CHEK2: variants seen among roughly 807,000 people sequenced by gnomAD.
The protein encoded by CHEK2 is serine/threonine-protein kinase Chk2.
A neutral mutation model predicts 69.1 loss-of-function variants in CHEK2; 71 were observed. The ratio of observed to expected loss-of-function variants is 1.03; its 90% CI spans 0.85 to 1.25. The LOEUF is 1.25. Ranked by LOEUF, CHEK2 falls within the 50% of genes most tolerant of loss-of-function variation. The pLI is 0.00. For synonymous variants in CHEK2, 189 were observed against 226.9 expected (o/e 0.83, Z 1.50); for missense variants, 664 against 649.6 (o/e 1.02, Z -0.24).
At chr22:28,696,486 GTC>G (rs1293917970) in intron 10 of CHEK2, among the ~76,000 whole-genome samples, 5 of 152,208 alleles carry the variant, frequency 3.3e-5, no homozygotes, top group African/African-American at 1.2e-4. Context: ...TGATTCTCGT[GTC>G]TCAGCCTCCC....
At chr22:28,698,817 C>T (rs1006468396) in intron 9 of CHEK2, among the ~76,000 whole-genome samples, 2 of 152,106 alleles carry the variant, frequency 1.3e-5, no homozygotes, top group South Asian at 2.1e-4. Flanking sequence ...AGGGAAACAC[C>T]TAGTTCTGAG....
intron 4 of CHEK2, among the ~76,000 whole-genome samples, chr22:28,720,092 A>ATT (rs66862903): frequency 0.27 from 35,696 of 134,382 alleles, 6,280 homozygotes; most frequent in Middle Eastern, 0.39. Flanking sequence ...AAAAAAAGTA[A>ATT]TTTTTTTTTT....
In CHEK2 at chr22:28,691,267, G is replaced by A. The variant is rs574471843; in HGVS notation, c.1462-2052C>T. 1.4e-4 allele frequency among the ~76,000 whole-genome samples: 21 copies of A among 152,284 alleles called. No homozygotes were observed. The Middle Eastern group carries it at 0.01, about 74-fold the overall frequency. The stretch of plus-strand genomic sequence containing the variant: ...GGCCAAGGTGGGTAGATAACCTGAG[G>A]TCAGGAGTTCGAGACCAGTCTGACC... On this transcript the variant is annotated intron_variant, in intron 13 of 14. Coordinates refer to ENST00000404276, the MANE Select transcript of CHEK2 (RefSeq NM_007194.4).
intron 5 of CHEK2, among the ~76,000 whole-genome samples, chr22:28,716,258 G>A (rs1466177894): frequency 7.4e-5 from 11 of 148,194 alleles, no homozygotes; most frequent in Admixed American, 2.0e-4. Flanking sequence ...GTGCAGTGGC[G>A]TGATCTCAGC....
chr22:28,695,215 C>T lies in CHEK2; in HGVS notation c.1287G>A (p.Glu429=), dbSNP rs758102180. 1.9e-5 allele frequency: 30 copies of T among 1,611,950 alleles called. No homozygotes were observed. The highest frequency in any genetic ancestry group is 2.2e-5 in the Non-Finnish European group (26 of 1,178,282). ...ICLSGYPPFS[E]HRTQVSLKDQ... is the part of the protein sequence containing the mutation. ...CCTTCAGTGACACTTGAGTCCTATG[C>T]TCAGAGAAAGGTGGATACCCACTAA... The change falls in exon 12 of 15, where the codon GAG becomes GAA. Residue 429 remains glutamate (E), a synonymous_variant. Coordinates refer to ENST00000404276, the MANE Select transcript of CHEK2 (RefSeq NM_007194.4).
At chr22:28,716,022 C>T (rs1007734554) in intron 5 of CHEK2, among the ~76,000 whole-genome samples, 9 of 151,982 alleles carry the variant, frequency 5.9e-5, no homozygotes, top group East Asian at 3.9e-4. Context: ...CAGACCGCAA[C>T]GCTCAGCTAA....
chr22:28,697,341 C>A (rs1008828022), intron 9 of CHEK2, among the ~76,000 whole-genome samples: 2 of 152,006 alleles, frequency 1.3e-5, no homozygotes, highest in African/African-American at 4.8e-5. Context: ...AAAAATTCCA[C>A]CAAAATGATA....
At chr22:28,731,776 C>T (rs1364313157) in intron 2 of CHEK2, among the ~76,000 whole-genome samples, 1 of 152,054 alleles carries the variant, frequency 6.6e-6, no homozygotes, top group Non-Finnish European at 1.5e-5. Context: ...TATCCTCCCA[C>T]CTCTGCTGCT....
At chr22:28,709,807 G>A (rs1174734017) in intron 7 of CHEK2, among the ~76,000 whole-genome samples, 199 bp downstream of exon 7, 1 of 151,926 alleles carries the variant, frequency 6.6e-6, no homozygotes, top group Non-Finnish European at 1.5e-5. Context: ...TAGTAGACAG[G>A]GTTTCACCAT....
rs72552322 is a variant in CHEK2, at chr22:28,725,070, C to T, written c.499G>A (p.Gly167Arg). Residue 167 changes from glycine to arginine, a missense_variant, in exon 4 of 15, where the codon GGA becomes AGA. Physicochemically the swap from Gly to Arg is moderately radical, Grantham distance 125. Coordinates refer to ENST00000404276, the MANE Select transcript of CHEK2 (RefSeq NM_007194.4). ...ACAAGCTCTGTATTTACAAAGGTTCCATTGCCACTGTGATCTTCTATGTAT... is the reference window on the plus strand; with the variant it reads ...ACAAGCTCTGTATTTACAAAGGTTCTATTGCCACTGTGATCTTCTATGTAT... ...IAYIEDHSGN[G>R]TFVNTELVGK... 3.0e-5 allele frequency: 48 copies of T among 1,614,058 alleles called. No individual in the cohort carries two copies. In the Middle Eastern group the frequency reaches 9.9e-4, roughly 33 times the overall value.
chr22:28,731,800 T>C (rs1333832849), intron 2 of CHEK2, among the ~76,000 whole-genome samples: 1 of 152,100 alleles, frequency 6.6e-6, no homozygotes, highest in African/African-American at 2.4e-5. Flanking sequence ...AGAGCTGGGA[T>C]TACAGTTGAG....
At chr22:28,688,520 T>C (rs1410150668) in intron 14 of CHEK2, among the ~76,000 whole-genome samples, 1 of 152,070 alleles carries the variant, frequency 6.6e-6, no homozygotes, top group East Asian at 1.9e-4. Flanking sequence ...AATTCAAAAA[T>C]TAGCTGGGCA....
intron 4 of CHEK2, among the ~76,000 whole-genome samples, chr22:28,723,133 C>T (rs986160483): frequency 1.3e-5 from 2 of 152,130 alleles, no homozygotes; most frequent in African/African-American, 2.4e-5. Context: ...AACAGTTGTT[C>T]ATTTTAGATG....
At chr22:28,723,606 AAAAAG>A (rs971992989) in intron 4 of CHEK2, among the ~76,000 whole-genome samples, 3 of 147,338 alleles carry the variant, frequency 2.0e-5, no homozygotes, top group Admixed American at 6.7e-5. Context: ...ACAAGGAAAA[AAAAAG>A]AAAAAAAAAA....
intron 12 of CHEK2, 141 bp from the exon 13 acceptor site, chr22:28,694,258 T>C (rs1296227504): frequency 4.4e-6 from 3 of 688,072 alleles, no homozygotes; most frequent in Middle Eastern, 3.8e-4. Context: ...GGCCCCCTAA[T>C]CTTCCTCACT....
intron 5 of CHEK2, among the ~76,000 whole-genome samples, chr22:28,717,728 TTAGCTGGGTG>T (rs1199259689): frequency 9.2e-5 from 14 of 151,712 alleles, no homozygotes; most frequent in African/African-American, 3.4e-4. Flanking sequence ...TACAAAAAAA[TTAGCTGGGTG>T]TGTGGTGGCG....
intron 1 of CHEK2, among the ~76,000 whole-genome samples, chr22:28,736,731 C>T (rs1323297253): frequency 6.6e-6 from 1 of 152,014 alleles, no homozygotes; most frequent in South Asian, 2.1e-4. Context: ...CTTGAGGCCA[C>T]GAGTTCAATA....
At chr22:28,692,646 G>C (rs1366932882) in intron 13 of CHEK2, among the ~76,000 whole-genome samples, 2 of 152,192 alleles carry the variant, frequency 1.3e-5, no homozygotes, top group Admixed American at 1.3e-4. Flanking sequence ...GTAATCCCCA[G>C]AGAAACAGCA....
At chr22:28,710,591 C>G (rs1486217202) in intron 6 of CHEK2, among the ~76,000 whole-genome samples, 1 of 152,154 alleles carries the variant, frequency 6.6e-6, no homozygotes. Flanking sequence ...ACAGCAGCCT[C>G]GCATATTTAC....
Sources: gnomAD v4.1 joint callset for allele counts (sites outside exome capture counted in the v4.1 genomes callset) on GRCh38, gnomAD v4.1.1 for gene constraint, MANE v1.5 for transcripts, NCBI Gene and HGNC (gene_info 2026-07-23, HGNC 2026-07-21) for gene names.